The following XRCC5 variants were observed in gnomAD, a reference collection of about 807,000 sequenced individuals.
XRCC5 encodes X-ray repair cross complementing 5.
Under a neutral mutation model 95.7 loss-of-function variants are expected in XRCC5, and 12 were observed. The observed-to-expected ratio is 0.13, with a 90% confidence interval of 0.08 to 0.20. The LOEUF (loss-of-function observed/expected upper bound fraction) is 0.20, where lower values mean the gene tolerates loss of function less well. Ranked by LOEUF, XRCC5 falls within the 10% of genes least tolerant of loss-of-function variation. The pLI is 1.00. For synonymous variants in XRCC5, 281 were observed against 290.3 expected, an observed-to-expected ratio of 0.97 and a Z score of 0.33; for missense variants, 595 against 873.9, an observed-to-expected ratio of 0.68 and a Z score of 4.02.
intron 16 of XRCC5, among the ~76,000 whole-genome samples, chr2:216,164,147 G>A (rs207921): frequency 0.62 from 94,380 of 152,074 alleles, 30,423 homozygotes; most frequent in African/African-American, 0.79. Context: ...CGGAGATGCT[G>A]CTGTGACAAG....
intron 16 of XRCC5, among the ~76,000 whole-genome samples, chr2:216,162,904 C>G (rs1472930484): frequency 3.3e-5 from 5 of 152,160 alleles, no homozygotes; most frequent in African/African-American, 1.2e-4. Flanking sequence ...CACAGAGGGC[C>G]TGGAACTAAC....
chr2:216,164,971 G>C (rs1689027535), intron 16 of XRCC5, among the ~76,000 whole-genome samples: 1 of 152,132 alleles, frequency 6.6e-6, no homozygotes, highest in Non-Finnish European at 1.5e-5. Flanking sequence ...CCATGGGATT[G>C]GGGATTCAGA....
At chr2:216,128,463 C>T (rs974724436) in intron 8 of XRCC5, among the ~76,000 whole-genome samples, 1 of 152,120 alleles carries the variant, frequency 6.6e-6, no homozygotes, top group Non-Finnish European at 1.5e-5. Context: ...GTTATGATTC[C>T]TTCCTTTCTC....
At position 216,134,160 on chromosome 2, in the gene XRCC5, G is replaced by A. The variant is rs1018444882; in HGVS notation, c.1113+1773G>A. On this transcript the variant is annotated intron_variant, in intron 10 of 20. Coordinates refer to ENST00000392132, the MANE Select transcript of XRCC5 (RefSeq NM_021141.4). Reference sequence around the variant, plus strand: ...CACTAGTCAGATGTACATGTGGATTGTTAAACTAGATGAATACTGTTGTTT... The same window carrying A: ...CACTAGTCAGATGTACATGTGGATTATTAAACTAGATGAATACTGTTGTTT... 2.0e-5 allele frequency among the ~76,000 whole-genome samples: 3 copies of A among 152,178 alleles called. No homozygotes were observed. The South Asian group carries it at 6.2e-4, about 31-fold the overall frequency.
At position 216,143,670 on chromosome 2, in the gene XRCC5, A is replaced by G. The variant is rs971086007; in HGVS notation, c.1476+2351A>G. On this transcript the variant is annotated intron_variant, in intron 13 of 20. Transcript: ENST00000392132. ...AAAACTTATTTATTGAGTACTAACA[A>G]TGAACCACGTGCGAAAGATACTATA... Among the ~76,000 whole-genome samples the G allele has an allele frequency of 4.6e-5, 7 of 151,854 alleles. No homozygotes were observed. In the South Asian group the frequency reaches 6.2e-4, roughly 14 times the overall value.
intron 16 of XRCC5, among the ~76,000 whole-genome samples, chr2:216,171,376 A>C (rs1455032190): frequency 6.6e-6 from 1 of 152,256 alleles, no homozygotes; most frequent in African/African-American, 2.4e-5. Flanking sequence ...AAGGGAGTTT[A>C]ATTCCTTTAT....
In XRCC5 at chr2:216,115,245, T is replaced by G. The variant is rs575209573; in HGVS notation, c.136-1414T>G. 7.2e-5 allele frequency among the ~76,000 whole-genome samples: 11 copies of G among 152,308 alleles called. No individual in the cohort carries two copies. The East Asian group carries it at 1.3e-3, about 19-fold the overall frequency. On this transcript the variant is annotated intron_variant, in intron 2 of 20. Coordinates refer to ENST00000392132, the MANE Select transcript of XRCC5 (RefSeq NM_021141.4). ...CCACTCCGGAGTTTCTCTGGATAAC[T>G]GCCGACTTACACCCCAGTAACAAGA...
intron 16 of XRCC5, among the ~76,000 whole-genome samples, chr2:216,181,632 G>T (rs1281346781): frequency 6.6e-6 from 1 of 152,172 alleles, no homozygotes; most frequent in Non-Finnish European, 1.5e-5. Flanking sequence ...AATGCCGCCC[G>T]TAGTTTTATT....
At chr2:216,159,251 A>C (rs1048226578) in intron 14 of XRCC5, among the ~76,000 whole-genome samples, 25 of 152,104 alleles carry the variant, frequency 1.6e-4, no homozygotes, top group African/African-American at 5.8e-4. Flanking sequence ...AAAAAATCTT[A>C]ATTTCTTTAT....
chr2:216,161,740 A>G (rs1357934585), intron 15 of XRCC5, among the ~76,000 whole-genome samples: 2 of 152,246 alleles, frequency 1.3e-5, no homozygotes, highest in Admixed American at 6.5e-5. Flanking sequence ...CCCTTCTGGA[A>G]AGAAATCAGC....
At chr2:216,199,365 A>G (rs537576457) in intron 19 of XRCC5, among the ~76,000 whole-genome samples, 5 of 152,332 alleles carry the variant, frequency 3.3e-5, no homozygotes, top group South Asian at 2.1e-4. Context: ...TGTGGATTGT[A>G]TGATTCTTTG....
chr2:216,181,363 G>A (rs2106040464), intron 16 of XRCC5, among the ~76,000 whole-genome samples: 1 of 152,186 alleles, frequency 6.6e-6, no homozygotes, highest in Admixed American at 6.5e-5. Flanking sequence ...TTCTGGGTCA[G>A]CCCTTATTAA....
chr2:216,122,297 G>T (rs376248928), intron 6 of XRCC5, 44 bp downstream of exon 6: 11 of 1,548,552 alleles, frequency 7.1e-6, no homozygotes, highest in Non-Finnish European at 9.6e-6. Context: ...TTGTACCCAC[G>T]TAAATTTCTC....
chr2:216,137,416 C>T (rs925848395), intron 11 of XRCC5, among the ~76,000 whole-genome samples, 191 bp downstream of exon 11: 8 of 152,144 alleles, frequency 5.3e-5, no homozygotes, highest in Non-Finnish European at 1.2e-4. Context: ...CTGTGAACCA[C>T]ACTTTCGGTT....
At chr2:216,124,240 A>G (rs1196662018) in intron 6 of XRCC5, among the ~76,000 whole-genome samples, 1 of 152,086 alleles carries the variant, frequency 6.6e-6, no homozygotes, top group Admixed American at 6.5e-5. Flanking sequence ...TGCAGAACTG[A>G]GTCAGTTGTT....
At chr2:216,169,504 G>A (rs1387020673) in intron 16 of XRCC5, among the ~76,000 whole-genome samples, 1 of 152,192 alleles carries the variant, frequency 6.6e-6, no homozygotes, top group Non-Finnish European at 1.5e-5. Flanking sequence ...ATCTGGTAGA[G>A]CTGCAAATTG....
At chr2:216,167,613 T>TGTGTGA (rs1481990539) in intron 16 of XRCC5, among the ~76,000 whole-genome samples, 4 of 129,620 alleles carry the variant, frequency 3.1e-5, no homozygotes, top group Admixed American at 3.0e-4. Context: ...TGTGTGTGTG[T>TGTGTGA]GATTTTTTTT....
intron 10 of XRCC5, among the ~76,000 whole-genome samples, chr2:216,132,761 T>G (rs532446160): frequency 8.5e-5 from 13 of 152,306 alleles, no homozygotes; most frequent in African/African-American, 2.6e-4. Context: ...ATGTGTCTTT[T>G]CTCTATTCCT....
At chr2:216,190,828 T>C (rs954935770) in intron 17 of XRCC5, among the ~76,000 whole-genome samples, 1 of 152,220 alleles carries the variant, frequency 6.6e-6, no homozygotes. Context: ...TTTGATTGTT[T>C]TATTAGGAAT....
Sources: gnomAD v4.1 joint callset for allele counts (sites outside exome capture counted in the v4.1 genomes callset) on GRCh38, gnomAD v4.1.1 for gene constraint, MANE v1.5 for transcripts, NCBI Gene and HGNC (gene_info 2026-07-23, HGNC 2026-07-21) for gene names.